ASTN1: variants seen among roughly 807,000 people sequenced by gnomAD.
ASTN1 encodes astrotactin 1.
In ASTN1, 41 loss-of-function variants were observed where a neutral mutation model predicts 140.7. That is an observed-to-expected ratio of 0.29 (90% confidence interval 0.23 to 0.38). The LOEUF (loss-of-function observed/expected upper bound fraction) is 0.38, where lower values mean the gene tolerates loss of function less well. ASTN1 is among the 10% of genes least tolerant of loss of function. ASTN1 has a pLI of 1.00. For missense variants in ASTN1, 1,479 were observed against 1,678.8 expected, an observed-to-expected ratio of 0.88 and a Z score of 2.08; for synonymous variants, 640 against 652.2, an observed-to-expected ratio of 0.98 and a Z score of 0.29.
chr1:177,019,224 A>G (rs907563632), intron 7 of ASTN1, among the ~76,000 whole-genome samples: 2 of 152,204 alleles, frequency 1.3e-5, no homozygotes, highest in South Asian at 2.1e-4. Flanking sequence ...TGGGAATAAG[A>G]GTACCATCTA....
chr1:176,964,958 A>G (rs2101849635), intron 9 of ASTN1, among the ~76,000 whole-genome samples: 1 of 152,308 alleles, frequency 6.6e-6, no homozygotes, highest in African/African-American at 2.4e-5. Context: ...GAAGGAAGCC[A>G]GGGCCCAAAC....
At position 176,945,978 on chromosome 1, in the gene ASTN1, T is replaced by C; in HGVS notation, c.2197A>G (p.Asn733Asp). 1.2e-6 allele frequency: 2 copies of C among 1,614,076 alleles called. No individual in the cohort carries two copies. Among genetic ancestry groups the C allele is most frequent in the East Asian group, 4.5e-5 (2 of 44,872 alleles). The change falls in exon 13 of 23, where the codon AAC becomes GAC. Residue 733 changes from asparagine (N) to aspartate (D), a missense_variant. Around this residue, in one of 3 missense-constraint regions of ASTN1, gnomAD observed 746 missense variants for 800.9 expected, o/e 0.93. Transcript: ENST00000361833. Reference protein sequence around the residue: ...TLFGEMFFGYNNHSKEVAAGQ... With the variant: ...TLFGEMFFGYDNHSKEVAAGQ... ...GCAGCCACTTCCTTGGAATGGTTGT[T>C]GTAACCAAAGAACATCTCCCCAAAG...
chr1:177,109,266 A>T (rs1680699173), intron 1 of ASTN1, among the ~76,000 whole-genome samples: 1 of 152,192 alleles, frequency 6.6e-6, no homozygotes, highest in Non-Finnish European at 1.5e-5. Flanking sequence ...AGTAAACCTA[A>T]GAAACCCATT....
At position 176,864,299 on chromosome 1, in the gene ASTN1, G is replaced by A. The variant is rs1668059656; in HGVS notation, c.3870C>T (p.Asp1290=). The A allele has an allele frequency of 1.9e-6, 3 of 1,613,964 alleles. No homozygotes were observed. The highest frequency in any genetic ancestry group is 1.1e-5 in the South Asian group (1 of 91,078). The change falls in exon 23 of 23, where the codon GAC becomes GAT. Residue 1290 remains aspartate (D), a synonymous_variant. Transcript: ENST00000361833. ...CCTTATGGTGCTAGATCTCTTTGCT[G>A]TCCCCATAGTCGTTGTAGGGGATAC... ...TLSIPYNDYG[D]SKEI
chr1:177,101,899 A>G (rs16850724), intron 1 of ASTN1, among the ~76,000 whole-genome samples: 13,331 of 152,216 alleles, frequency 0.088, 780 homozygotes, highest in African/African-American at 0.17. Flanking sequence ...AAATGTATAA[A>G]TGTCACATTC....
chr1:176,859,426 C>A (rs573333589), downstream of ASTN1, among the ~76,000 whole-genome samples: 1 of 152,262 alleles, frequency 6.6e-6, no homozygotes, highest in South Asian at 2.1e-4. Flanking sequence ...GCAGGGCTTA[C>A]CTAAATATTC....
chr1:176,899,574 C>T (rs10913274), intron 16 of ASTN1, among the ~76,000 whole-genome samples: 6,620 of 152,190 alleles, frequency 0.043, 433 homozygotes, highest in African/African-American at 0.15. Context: ...TAATCAAATC[C>T]CAGCTTTTGG....
At chr1:176,994,220 G>A (rs1313454235) in intron 8 of ASTN1, among the ~76,000 whole-genome samples, 1 of 151,214 alleles carries the variant, frequency 6.6e-6, no homozygotes, top group Non-Finnish European at 1.5e-5. Flanking sequence ...AAAAGTTGCT[G>A]TAAGGCCTGT....
At chr1:176,888,012 T>C (rs866415509) in intron 18 of ASTN1, 59 bp downstream of exon 18, 6 of 1,604,966 alleles carry the variant, frequency 3.7e-6, no homozygotes, top group Middle Eastern at 1.7e-4. Flanking sequence ...TCTTTGCAAA[T>C]AGTAGACGCT....
Position 177,062,077 on chromosome 1 carries a change from T to C in ASTN1, c.284-812A>G, listed in dbSNP as rs376808079. Among the ~76,000 whole-genome samples, 15 of 152,246 alleles carry C rather than the reference T, an allele frequency of 9.9e-5. No individual in the cohort carries two copies. In the East Asian group the frequency reaches 1.9e-3, roughly 20 times the overall value. On this transcript the variant is annotated intron_variant, in intron 1 of 22. Coordinates refer to ENST00000361833, the MANE Select transcript of ASTN1 (RefSeq NM_004319.3). The stretch of plus-strand genomic sequence containing the variant: ...TAAGGTAGTACTGCAAAATATGCCG[T>C]GTGTATGTTCCTCTCTTTTGCATTC...
intron 20 of ASTN1, among the ~76,000 whole-genome samples, chr1:176,879,013 G>A (rs572834999): frequency 6.6e-6 from 1 of 152,268 alleles, no homozygotes; most frequent in East Asian, 1.9e-4. Context: ...TGCAGACTGT[G>A]CCCTAAGCCC....
intron 8 of ASTN1, among the ~76,000 whole-genome samples, chr1:176,996,484 A>G (rs1237623934): frequency 6.6e-6 from 1 of 152,210 alleles, no homozygotes; most frequent in Admixed American, 6.5e-5. Context: ...ACTATGCCCT[A>G]CATTCTGTAC....
At chr1:176,965,902 G>A (rs190719336) in intron 8 of ASTN1, among the ~76,000 whole-genome samples, 8 of 150,504 alleles carry the variant, frequency 5.3e-5, no homozygotes, top group Non-Finnish European at 7.4e-5. Context: ...AATTGAAATC[G>A]TGTTTGCAAA....
chr1:177,164,410 C>A lies in ASTN1; in HGVS notation c.267G>T (p.Leu89=). ...VVVDDLENTE[L]PYFVLEISGN... ...GGGACTCACCCAGCACGAAGTAGGG[C>A]AGCTCCGTGTTCTCCAGGTCGTCCA... Residue 89 remains leucine (L), a synonymous_variant, in exon 1 of 23, where the codon CTG becomes CTT. Transcript: ENST00000361833. The A allele has an allele frequency of 6.2e-7, 1 of 1,607,618 alleles. No homozygotes were observed. The highest frequency in any genetic ancestry group is 8.5e-7 in the Non-Finnish European group (1 of 1,176,276).
At chr1:177,003,026 CA>C (rs2101916933) in intron 8 of ASTN1, among the ~76,000 whole-genome samples, 1 of 151,988 alleles carries the variant, frequency 6.6e-6, no homozygotes, top group South Asian at 2.1e-4. Flanking sequence ...GGGGCAGATG[CA>C]CACATATTCA....
intron 2 of ASTN1, among the ~76,000 whole-genome samples, chr1:177,040,813 T>C (rs1676934966): frequency 6.6e-6 from 1 of 152,220 alleles, no homozygotes. Context: ...ACTTTAGGAG[T>C]TTCGTCTAAT....
intron 16 of ASTN1, among the ~76,000 whole-genome samples, chr1:176,914,050 T>G (rs1403294472): frequency 6.6e-6 from 1 of 152,310 alleles, no homozygotes; most frequent in East Asian, 1.9e-4. Flanking sequence ...TATCTAAGTC[T>G]CATGGGGAAG....
rs778274492 is a variant in ASTN1 at position 177,164,647 on chromosome 1, G to A, written c.30C>T (p.Leu10=). The A allele has an allele frequency of 3.1e-6, 5 of 1,600,104 alleles. No individual in the cohort carries two copies. Residue 10 remains leucine (L), a synonymous_variant, in exon 1 of 23, where the codon CTC becomes CTT. Coordinates refer to ENST00000361833, the MANE Select transcript of ASTN1 (RefSeq NM_004319.3). ...CCGCCGCCGGCCCCCAGCAGCAGGCGAGCAGGGCGCAGAGCCCGGCTAAAG... is the reference window on the plus strand; with the variant it reads ...CCGCCGCCGGCCCCCAGCAGCAGGCAAGCAGGGCGCAGAGCCCGGCTAAAG... MALAGLCAL[L]ACCWGPAAVL...
intron 11 of ASTN1, among the ~76,000 whole-genome samples, chr1:176,952,266 AAC>A (rs1485715569): frequency 6.6e-6 from 1 of 151,590 alleles, no homozygotes; most frequent in Non-Finnish European, 1.5e-5. Context: ...TCTCTTTTCA[AAC>A]ACACAAACAC....
Sources: gnomAD v4.1 joint callset for allele counts (sites outside exome capture counted in the v4.1 genomes callset) on GRCh38, gnomAD v4.1.1 for gene constraint, gnomAD v4.1.1 regional missense constraint, MANE v1.5 for transcripts, NCBI Gene and HGNC (gene_info 2026-07-23, HGNC 2026-07-21) for gene names.